Variants in SLIT2 observed in about 807,000 individuals in gnomAD.
The protein encoded by SLIT2 is slit guidance ligand 2, also known as slit homolog 2 protein.
Under a neutral mutation model 185.7 loss-of-function variants are expected in SLIT2, and 41 were observed. The observed-to-expected ratio is 0.22, with a 90% CI of 0.17 to 0.29. SLIT2 has a LOEUF of 0.29. Among genes scored for constraint, SLIT2 ranks in the 10% least tolerant of loss-of-function variants. SLIT2 has a pLI of 1.00. For synonymous variants in SLIT2, 693 were observed against 680.2 expected (o/e 1.02, Z -0.29); for missense variants, 1,571 against 1,909.0 (o/e 0.82, Z 3.30).
At chr4:20,277,211 A>G (rs1286378755) in intron 4 of SLIT2, among the ~76,000 whole-genome samples, 1 of 152,166 alleles carries the variant, frequency 6.6e-6, no homozygotes, top group Non-Finnish European at 1.5e-5. Flanking sequence ...CCTAAGGGGA[A>G]AAAAAACTTG....
chr4:20,567,151 A>T, intron 26 of SLIT2, 111 bp from the exon 27 acceptor site: 1 of 962,630 alleles, frequency 1.0e-6, no homozygotes, highest in Non-Finnish European at 1.6e-6. Flanking sequence ...ACATATAGAT[A>T]TGTGACCAAT....
intron 4 of SLIT2, among the ~76,000 whole-genome samples, chr4:20,336,425 G>A (rs574142765): frequency 9.9e-5 from 15 of 152,234 alleles, no homozygotes; most frequent in East Asian, 7.7e-4. Flanking sequence ...GCAAACTATC[G>A]CAAGAACAGA....
At chr4:20,507,990 T>C (rs1719359281) in intron 9 of SLIT2, among the ~76,000 whole-genome samples, 3 of 152,016 alleles carry the variant, frequency 2.0e-5, no homozygotes, top group Admixed American at 1.3e-4. Context: ...CCAAAAAGAA[T>C]TACTCTTAAC....
chr4:20,366,413 T>G (rs1299021854), intron 4 of SLIT2, among the ~76,000 whole-genome samples: 1 of 152,124 alleles, frequency 6.6e-6, no homozygotes, highest in Non-Finnish European at 1.5e-5. Context: ...TTGGCCACAT[T>G]TCTGTTTTTT....
At chr4:20,589,363 CT>C (rs1727320796) in intron 29 of SLIT2, among the ~76,000 whole-genome samples, 2 of 152,118 alleles carry the variant, frequency 1.3e-5, no homozygotes, top group African/African-American at 4.8e-5. Context: ...TTCAGATTTC[CT>C]TTTCCTAATT....
intron 4 of SLIT2, among the ~76,000 whole-genome samples, chr4:20,276,604 A>G (rs528912642): frequency 6.6e-6 from 1 of 151,996 alleles, no homozygotes; most frequent in South Asian, 2.1e-4. Flanking sequence ...ACAAACAAAC[A>G]AACAAAAACT....
chr4:20,289,736 A>G (rs866036188), intron 4 of SLIT2, among the ~76,000 whole-genome samples: 14 of 152,212 alleles, frequency 9.2e-5, no homozygotes, highest in African/African-American at 2.9e-4. Context: ...ATATCACACA[A>G]GGTAGACTGG....
intron 12 of SLIT2, among the ~76,000 whole-genome samples, chr4:20,521,659 A>C (rs1356106708): frequency 6.6e-6 from 1 of 152,136 alleles, no homozygotes; most frequent in African/African-American, 2.4e-5. Flanking sequence ...CCTGTCACCC[A>C]CCATTTCTTG....
At chr4:20,363,821 A>G (rs1003661382) in intron 4 of SLIT2, among the ~76,000 whole-genome samples, 1 of 152,148 alleles carries the variant, frequency 6.6e-6, no homozygotes, top group Non-Finnish European at 1.5e-5. Flanking sequence ...TTTTCCTGCA[A>G]CTATTTATAA....
intron 4 of SLIT2, among the ~76,000 whole-genome samples, chr4:20,379,846 G>T (rs1560370680): frequency 6.6e-6 from 1 of 152,100 alleles, no homozygotes; most frequent in Non-Finnish European, 1.5e-5. Flanking sequence ...TGCGGGGAAG[G>T]GGAGCCCAAA....
intron 4 of SLIT2, among the ~76,000 whole-genome samples, chr4:20,317,834 G>T (rs1320465394): frequency 6.6e-6 from 1 of 151,954 alleles, no homozygotes; most frequent in Admixed American, 6.6e-5. Flanking sequence ...GAGGATAAAA[G>T]AACAAATACT....
At chr4:20,616,859 G>A in intron 34 of SLIT2, 51 bp from the exon 35 acceptor site, 1 of 1,524,688 alleles carries the variant, frequency 6.6e-7, no homozygotes, top group Non-Finnish European at 8.8e-7. Context: ...AGTAGCAAAT[G>A]GCTCAGAAAT....
At position 20,322,417 on chromosome 4, in the gene SLIT2, G is replaced by T. The variant is rs137972256; in HGVS notation, c.395+53536G>T. ...CTCGAAGTGGGGAGGGGTCATCAAG[G>T]TCATAGGTAGATAAGAGACAAATGG... On this transcript the variant is annotated intron_variant, in intron 4 of 36. Transcript: ENST00000504154. Among the ~76,000 whole-genome samples the T allele has an allele frequency of 1.2e-3, 187 of 152,230 alleles. 1 individual carries two copies. The highest frequency in any genetic ancestry group is 4.3e-3 in the African/African-American group (177 of 41,544).
chr4:20,488,283 G>T (rs1717442565), intron 7 of SLIT2, among the ~76,000 whole-genome samples: 1 of 152,124 alleles, frequency 6.6e-6, no homozygotes, highest in African/African-American at 2.4e-5. Flanking sequence ...ACAAAAGAAG[G>T]AAATGAGAAT....
chr4:20,360,730 G>T (rs1722671253), intron 4 of SLIT2, among the ~76,000 whole-genome samples: 1 of 152,092 alleles, frequency 6.6e-6, no homozygotes. Context: ...TAAAATTTAT[G>T]AAAAACTGTG....
At chr4:20,531,460 G>A (rs1467478945) in intron 16 of SLIT2, among the ~76,000 whole-genome samples, 1 of 152,212 alleles carries the variant, frequency 6.6e-6, no homozygotes, top group Non-Finnish European at 1.5e-5. Context: ...GCCAAGGACT[G>A]TGGGGGAACA....
intron 4 of SLIT2, among the ~76,000 whole-genome samples, chr4:20,428,682 A>G (rs1382454251): frequency 2.0e-5 from 3 of 152,146 alleles, no homozygotes; most frequent in Admixed American, 1.3e-4. Context: ...CTCTCCTTCC[A>G]TCTAACAGCT....
At chr4:20,473,466 G>A (rs1187785660) in intron 5 of SLIT2, among the ~76,000 whole-genome samples, 1 of 151,952 alleles carries the variant, frequency 6.6e-6, no homozygotes, top group East Asian at 1.9e-4. Context: ...TAGGAAGGAA[G>A]TCACCCAATT....
At chr4:20,259,693 T>A (rs1162103640) in intron 3 of SLIT2, among the ~76,000 whole-genome samples, 1 of 151,838 alleles carries the variant, frequency 6.6e-6, no homozygotes, top group Non-Finnish European at 1.5e-5. Flanking sequence ...TACTATTTTT[T>A]GACTTTTACT....
Sources: gnomAD v4.1 joint callset for allele counts (sites outside exome capture counted in the v4.1 genomes callset) on GRCh38, gnomAD v4.1.1 for gene constraint, MANE v1.5 for transcripts, NCBI Gene and HGNC (gene_info 2026-07-23, HGNC 2026-07-21) for gene names.